The following LAMP1 variants were observed in gnomAD, a reference collection of about 807,000 sequenced individuals.
LAMP1 encodes lysosome associated membrane protein 1.
In LAMP1, 7 loss-of-function variants were observed where a neutral mutation model predicts 37.5. The ratio of observed to expected loss-of-function variants is 0.19; its 90% CI spans 0.11 to 0.35. The LOEUF (loss-of-function observed/expected upper bound fraction) is 0.35. LAMP1 is among the 10% of genes least tolerant of loss of function. The pLI, the probability that LAMP1 is intolerant of heterozygous loss-of-function variation, is 1.00. For missense variants in LAMP1, 537 were observed against 552.8 expected (o/e 0.97, Z 0.29); for synonymous variants, 236 against 229.1 (o/e 1.03, Z -0.27).
At chr13:113,304,510 A>G (rs1324068559) in intron 1 of LAMP1, among the ~76,000 whole-genome samples, 1 of 152,154 alleles carries the variant, frequency 6.6e-6, no homozygotes, top group Non-Finnish European at 1.5e-5. Flanking sequence ...TCTTCCCTAG[A>G]TTCTCTAGAT....
intron 2 of LAMP1, among the ~76,000 whole-genome samples, chr13:113,308,341 T>G (rs2042611194): frequency 7.0e-6 from 1 of 142,124 alleles, no homozygotes; most frequent in African/African-American, 2.6e-5. Context: ...TTTTTTTTTT[T>G]TTTTTTTTGA....
intron 4 of LAMP1, among the ~76,000 whole-genome samples, chr13:113,316,907 C>T (rs1267387400): frequency 2.6e-5 from 4 of 150,954 alleles, no homozygotes; most frequent in Admixed American, 1.3e-4. Flanking sequence ...ATCAGAAAGG[C>T]GGAGAGGATG....
chr13:113,305,029 G>C (rs972173917), intron 1 of LAMP1: 1 of 152,188 alleles, frequency 6.6e-6, no homozygotes, highest in Non-Finnish European at 1.5e-5. Context: ...ACTACTTCTG[G>C]TTATATGCTT....
At position 113,320,292 on chromosome 13, in the gene LAMP1, A is replaced by G; in HGVS notation, c.751-53A>G. 6.2e-7 allele frequency: 1 copy of G among 1,607,868 alleles called. No individual in the cohort carries two copies. The highest frequency in any genetic ancestry group is 8.5e-7 in the Non-Finnish European group (1 of 1,175,758). On this transcript the variant is annotated intron_variant, in intron 5 of 8. Coordinates refer to ENST00000332556, the MANE Select transcript of LAMP1 (RefSeq NM_005561.4). The surrounding 1 kb of genome is among the most constrained non-coding windows in gnomAD (Gnocchi z 4.4). The stretch of plus-strand genomic sequence containing the variant: ...GGTTTCAGGACTGTTTGTCTTTTCG[A>G]GAGTGTGGAGGACCTGAGCTAGGGT...
chr13:113,299,135 G>A (rs1216454109), intron 1 of LAMP1, among the ~76,000 whole-genome samples: 4 of 151,460 alleles, frequency 2.6e-5, no homozygotes, highest in Admixed American at 6.6e-5. Context: ...GGGAGACTCC[G>A]TCTCAAAACA....
chr13:113,321,249 C>T lies in LAMP1; in HGVS notation c.877-155C>T. On this transcript the variant is annotated intron_variant, in intron 6 of 8. Coordinates refer to ENST00000332556, the MANE Select transcript of LAMP1 (RefSeq NM_005561.4). The surrounding 1 kb of genome is among the most constrained non-coding windows in gnomAD (Gnocchi z 5.6). ...ACACAACGCCTTTTATAGACAAGAT[C>T]TTTTGCAGTTTTGTTCTAATACTAG... is the stretch of plus-strand genomic sequence containing the variant. 1.4e-6 allele frequency: 1 copy of T among 704,436 alleles called. No homozygotes were observed. 43.6% of individuals were successfully genotyped at this position (704,436 alleles called of 1,614,324 possible).
At chr13:113,311,063 T>C (rs1234923658) in intron 4 of LAMP1, among the ~76,000 whole-genome samples, 196 bp downstream of exon 4, 1 of 151,986 alleles carries the variant, frequency 6.6e-6, no homozygotes, top group Non-Finnish European at 1.5e-5. Flanking sequence ...GGTAGACACA[T>C]GTTGATTAAA....
chr13:113,320,601 C>T lies in LAMP1; in HGVS notation c.876+131C>T. 2 of 938,842 alleles carry T rather than the reference C, an allele frequency of 2.1e-6. No homozygotes were observed. Among genetic ancestry groups the T allele is most frequent in the South Asian group, 1.7e-5 (1 of 59,548 alleles). The allele number at this position is 938,842 out of a possible 1,614,324, so 58.2% of individuals were successfully genotyped here. ...TCACTTTTTTCTGCCTTCCCTTTATCCTGGGCTTTTTAGTTCCTTGGTTCC... is the reference window on the plus strand; with the variant it reads ...TCACTTTTTTCTGCCTTCCCTTTATTCTGGGCTTTTTAGTTCCTTGGTTCC... On this transcript the variant is annotated intron_variant, in intron 6 of 8. Coordinates refer to ENST00000332556, the MANE Select transcript of LAMP1 (RefSeq NM_005561.4). The surrounding 1 kb of genome is among the most constrained non-coding windows in gnomAD (Gnocchi z 4.4).
At chr13:113,322,008 T>A (rs1854365302) in intron 8 of LAMP1, 1 of 584,082 alleles carries the variant, frequency 1.7e-6, no homozygotes, top group Non-Finnish European at 3.0e-6. Flanking sequence ...TACAACACTG[T>A]CATCTGATGT....
chr13:113,303,778 C>G (rs1050181496), intron 1 of LAMP1, among the ~76,000 whole-genome samples: 3 of 152,144 alleles, frequency 2.0e-5, no homozygotes, highest in Non-Finnish European at 2.9e-5. Flanking sequence ...TTGTTTTCCT[C>G]TGAAAGCTGA....
chr13:113,298,371 C>T (rs1219261221), intron 1 of LAMP1, among the ~76,000 whole-genome samples: 1 of 152,030 alleles, frequency 6.6e-6, no homozygotes, highest in East Asian at 1.9e-4. Context: ...TAAGACAGTC[C>T]GGATTGCCCC....
chr13:113,320,330 G>A lies in LAMP1; in HGVS notation c.751-15G>A. Reference sequence around the variant, plus strand: ...CCTGAGCTAGGGTGGTGACTTGCTTGCTTGTCTTATGCAGACGGTGACAAG... The same window carrying A: ...CCTGAGCTAGGGTGGTGACTTGCTTACTTGTCTTATGCAGACGGTGACAAG... On this transcript the variant is annotated splice_polypyrimidine_tract_variant and intron_variant, in intron 5 of 8. Transcript: ENST00000332556. This position sits in a 1 kb window ranked among gnomAD's most constrained non-coding sequence, Gnocchi z 4.4. 1.2e-6 allele frequency: 2 copies of A among 1,614,018 alleles called. No individual in the cohort carries two copies. Among genetic ancestry groups the A allele is most frequent in the Non-Finnish European group, 1.7e-6 (2 of 1,180,012 alleles).
At chr13:113,302,391 T>G (rs1231728260) in intron 1 of LAMP1, among the ~76,000 whole-genome samples, 2 of 151,408 alleles carry the variant, frequency 1.3e-5, no homozygotes, top group African/African-American at 4.9e-5. Context: ...GGTTTCACCA[T>G]GCTAGCTAGG....
Position 113,321,233 on chromosome 13 carries a change from C to T in LAMP1, c.877-171C>T, listed in dbSNP as rs902438429. 4.6e-6 allele frequency: 3 copies of T among 654,514 alleles called. No individual in the cohort carries two copies. The highest frequency in any genetic ancestry group is 3.6e-5 in the African/African-American group (2 of 55,156). 40.5% of individuals were successfully genotyped at this position (654,514 alleles called of 1,614,324 possible). ...TTCATTCCCCAGAGATACACAACGC[C>T]TTTTATAGACAAGATCTTTTGCAGT... On this transcript the variant is annotated intron_variant, in intron 6 of 8. Transcript: ENST00000332556. This position sits in a 1 kb window ranked among gnomAD's most constrained non-coding sequence, Gnocchi z 5.6.
rs1320793903 is a variant in LAMP1, at chr13:113,297,452, C to A, written c.18C>A (p.Ser6Arg). Residue 6 changes from serine (S) to arginine (R), a missense_variant, in exon 1 of 9, where the codon AGC becomes AGA. By Grantham distance (110) the Ser-to-Arg change is moderately radical. Transcript: ENST00000332556. The surrounding 1 kb of genome is among the most constrained non-coding windows in gnomAD (Gnocchi z 4.4). MAAPG[S>R]ARRPLLLLLL... ...CTCGCGCCATGGCGGCCCCCGGCAG[C>A]GCCCGGCGACCCCTGCTGCTGCTAC... 8.7e-7 allele frequency: 1 copy of A among 1,148,330 alleles called. No homozygotes were observed. Among genetic ancestry groups the A allele is most frequent in the Non-Finnish European group, 1.1e-6 (1 of 904,628 alleles). 71.1% of individuals were successfully genotyped at this position (1,148,330 alleles called of 1,614,324 possible).
chr13:113,298,344 G>A (rs2042553462), intron 1 of LAMP1, among the ~76,000 whole-genome samples: 1 of 152,078 alleles, frequency 6.6e-6, no homozygotes, highest in Admixed American at 6.6e-5. Flanking sequence ...TTAATAAGAG[G>A]ATGTGTGCTG....
chr13:113,322,488 G>C lies in LAMP1; in HGVS notation c.*67G>C. The C allele has an allele frequency of 6.8e-7, 1 of 1,463,682 alleles. No homozygotes were observed. The highest frequency in any genetic ancestry group is 1.3e-5 in the South Asian group (1 of 75,632). The allele number at this position is 1,463,682 out of a possible 1,614,324, so 90.7% of individuals were successfully genotyped here. On this transcript the variant is annotated 3_prime_UTR_variant, in exon 9 of 9. Coordinates refer to ENST00000332556, the MANE Select transcript of LAMP1 (RefSeq NM_005561.4). ...CTTTCTCTGGGCTTAGGGTCCTGTC[G>C]AAGGGGAGGCACACTTTCTGGCAAA...
At chr13:113,314,261 G>C (rs188350375) in intron 4 of LAMP1, among the ~76,000 whole-genome samples, 1 of 130,508 alleles carries the variant, frequency 7.7e-6, no homozygotes, top group Non-Finnish European at 1.6e-5. Context: ...TGCCTGGGGC[G>C]TGGCCTCCCG....
At chr13:113,322,077 G>GGA in intron 8 of LAMP1, 2 of 606,264 alleles carry the variant, frequency 3.3e-6, no homozygotes. Context: ...TCCAGACGGG[G>GGA]GAGAGACGTG....
Sources: allele counts gnomAD v4.1 joint callset (sites outside exome capture counted in the v4.1 genomes callset), GRCh38; gene constraint gnomAD v4.1.1; non-coding constraint Gnocchi (gnomAD v3.1); transcripts MANE v1.5; gene names NCBI Gene and HGNC (gene_info 2026-07-23, HGNC 2026-07-21).